The following PRKCH variants were observed in gnomAD, a reference collection of about 807,000 sequenced individuals.
The protein encoded by PRKCH is protein kinase C eta type.
In PRKCH, 28 loss-of-function variants were observed where a neutral mutation model predicts 82.5. The observed-to-expected ratio is 0.34, with a 90% confidence interval of 0.25 to 0.47. The LOEUF (loss-of-function observed/expected upper bound fraction) is 0.47, where lower values mean the gene tolerates loss of function less well. Ranked by LOEUF, PRKCH falls within the 20% of genes least tolerant of loss-of-function variation. The pLI is 1.00. For synonymous variants in PRKCH, 322 were observed against 327.4 expected (o/e 0.98, Z 0.18); for missense variants, 705 against 881.8 (o/e 0.80, Z 2.54).
intron 10 of PRKCH, among the ~76,000 whole-genome samples, chr14:61,505,395 C>CTTTTTCTTTTTTTTTTTTTTT (rs1887099057): frequency 1.8e-4 from 10 of 55,760 alleles, no homozygotes; most frequent in African/African-American, 3.9e-4. Context: ...CTTTTCTTTT[C>CTTTTTCTTTTTTTTTTTTTTT]TTTTTTTTTT....
intron 1 of PRKCH, among the ~76,000 whole-genome samples, chr14:61,300,412 G>A (rs1366847032): frequency 6.6e-6 from 1 of 152,156 alleles, no homozygotes; most frequent in Non-Finnish European, 1.5e-5. Context: ...GCTAAGCCTG[G>A]CAATATGACA....
At chr14:61,468,523 G>T (rs1885360814) in intron 9 of PRKCH, among the ~76,000 whole-genome samples, 1 of 152,068 alleles carries the variant, frequency 6.6e-6, no homozygotes, top group Non-Finnish European at 1.5e-5. Flanking sequence ...GTCCTCTCCG[G>T]CTACCAGGCT....
chr14:61,514,467 G>C (rs1374709436), intron 10 of PRKCH, among the ~76,000 whole-genome samples: 4 of 152,106 alleles, frequency 2.6e-5, no homozygotes, highest in East Asian at 1.9e-4. Context: ...GGGTGGACTT[G>C]AGAGCCACAG....
intron 1 of PRKCH, among the ~76,000 whole-genome samples, chr14:61,265,309 T>C (rs2140082500): frequency 6.6e-6 from 1 of 152,110 alleles, no homozygotes; most frequent in Middle Eastern, 3.4e-3. Context: ...ACTGAAACCC[T>C]GTCTCTACAA....
chr14:61,415,574 C>G (rs1406835622), intron 2 of PRKCH, among the ~76,000 whole-genome samples: 1 of 152,204 alleles, frequency 6.6e-6, no homozygotes, highest in African/African-American at 2.4e-5. Flanking sequence ...TTAGGCTACA[C>G]TATGTGGAAT....
intron 10 of PRKCH, among the ~76,000 whole-genome samples, chr14:61,502,263 A>G (rs371574080): frequency 1.1e-4 from 17 of 151,796 alleles, no homozygotes; most frequent in South Asian, 8.3e-4. Context: ...GGGTGTCACT[A>G]TGTTGGCCAG....
chr14:61,410,996 GTC>G (rs1882239986), intron 2 of PRKCH, among the ~76,000 whole-genome samples: 1 of 152,234 alleles, frequency 6.6e-6, no homozygotes, highest in Non-Finnish European at 1.5e-5. Flanking sequence ...CGTGGATGCT[GTC>G]TTTTCCTTAG....
chr14:61,295,885 C>G, intron 1 of PRKCH, among the ~76,000 whole-genome samples: 1 of 151,800 alleles, frequency 6.6e-6, no homozygotes, highest in East Asian at 1.9e-4. Context: ...AAACCCTTTG[C>G]TGGTTTTCTT....
intron 1 of PRKCH, among the ~76,000 whole-genome samples, chr14:61,199,142 AAAAG>A (rs2044461220): frequency 6.6e-6 from 1 of 152,242 alleles, no homozygotes; most frequent in African/African-American, 2.4e-5. Context: ...CTTTCCAAAA[AAAAG>A]AGACTATGAT....
At chr14:61,504,677 C>T (rs1887062481) in intron 10 of PRKCH, among the ~76,000 whole-genome samples, 2 of 152,282 alleles carry the variant, frequency 1.3e-5, no homozygotes, top group African/African-American at 4.8e-5. Context: ...TCCTCTCGTT[C>T]AGAAATAGGA....
chr14:61,210,101 C>CA (rs1427087615), intron 1 of PRKCH, among the ~76,000 whole-genome samples: 7 of 82,114 alleles, frequency 8.5e-5, no homozygotes, highest in African/African-American at 2.8e-4. Context: ...ACAAAACAAA[C>CA]AAACAAACAA....
intron 1 of PRKCH, among the ~76,000 whole-genome samples, chr14:61,327,996 A>T (rs1481131612): frequency 6.6e-6 from 1 of 150,764 alleles, no homozygotes; most frequent in Non-Finnish European, 1.5e-5. Flanking sequence ...CACGCCTGTA[A>T]TCCCAGCACT....
intron 4 of PRKCH, 60 bp downstream of exon 4, chr14:61,445,786 T>C: frequency 1.3e-6 from 2 of 1,502,528 alleles, no homozygotes; most frequent in Non-Finnish European, 1.9e-6. Flanking sequence ...GAAATGATTA[T>C]ACCAAGAGAA....
intron 1 of PRKCH, among the ~76,000 whole-genome samples, chr14:61,213,032 A>G (rs1051318987): frequency 8.5e-5 from 13 of 152,090 alleles, no homozygotes; most frequent in African/African-American, 3.1e-4. Flanking sequence ...GCCTACCCTT[A>G]TGTCAGGGAG....
At chr14:61,395,342 C>T (rs377427128) in intron 2 of PRKCH, among the ~76,000 whole-genome samples, 33 of 142,494 alleles carry the variant, frequency 2.3e-4, no homozygotes, top group Middle Eastern at 3.6e-3. Context: ...GGACCTGGCA[C>T]TGAGAGCATG....
At chr14:61,505,395 CTTTTTTTTTTTTTTTTT>C (rs60304150) in intron 10 of PRKCH, among the ~76,000 whole-genome samples, 2 of 55,738 alleles carry the variant, frequency 3.6e-5, no homozygotes, top group African/African-American at 1.3e-4. Context: ...CTTTTCTTTT[CTTTTTTTTTTTTTTTTT>C]TTTTTTTTTT....
intron 1 of PRKCH, among the ~76,000 whole-genome samples, chr14:61,362,143 C>A (rs890480050): frequency 1.3e-5 from 2 of 152,010 alleles, no homozygotes; most frequent in Admixed American, 6.6e-5. Context: ...CTGAGACCAC[C>A]CTGGTCATCA....
upstream of PRKCH, among the ~76,000 whole-genome samples, chr14:61,319,110 G>C (rs1410906261): frequency 6.6e-6 from 1 of 152,132 alleles, no homozygotes. Context: ...CTACCAGTCT[G>C]GTCAGTGTGA....
chr14:61,241,634 G>A (rs753059164), intron 1 of PRKCH, among the ~76,000 whole-genome samples: 1 of 152,142 alleles, frequency 6.6e-6, no homozygotes, highest in Non-Finnish European at 1.5e-5. Flanking sequence ...GGTTTTCAAG[G>A]CTCTTTGAAA....
Sources: gnomAD v4.1 joint callset for allele counts (sites outside exome capture counted in the v4.1 genomes callset) on GRCh38, gnomAD v4.1.1 for gene constraint, MANE v1.5 for transcripts, NCBI Gene and HGNC (gene_info 2026-07-23, HGNC 2026-07-21) for gene names.